Variants in TANC1 observed in about 807,000 individuals in gnomAD.
The protein encoded by TANC1 is protein TANC1.
A neutral mutation model predicts 149.7 loss-of-function variants in TANC1; 77 were observed. The observed-to-expected ratio is 0.51, with a 90% CI of 0.43 to 0.62. TANC1 has a LOEUF of 0.62. Among genes scored for constraint, TANC1 ranks in the 20% least tolerant of loss-of-function variants. The pLI is 0.00. For missense variants in TANC1, 1,985 were observed against 2,321.8 expected, an observed-to-expected ratio of 0.85 and a Z score of 2.98; for synonymous variants, 854 against 925.0, an observed-to-expected ratio of 0.92 and a Z score of 1.39.
intron 7 of TANC1, among the ~76,000 whole-genome samples, chr2:159,152,084 G>T (rs1241496434): frequency 2.6e-5 from 4 of 152,104 alleles, no homozygotes; most frequent in Non-Finnish European, 5.9e-5. Flanking sequence ...TCATATAAAT[G>T]GTGGGCTGAG....
chr2:159,110,391 T>G (rs2047606363), intron 4 of TANC1, among the ~76,000 whole-genome samples: 1 of 152,256 alleles, frequency 6.6e-6, no homozygotes, highest in African/African-American at 2.4e-5. Flanking sequence ...CAGACACTGG[T>G]TCTGCTGGTT....
At chr2:159,139,569 G>A (rs544566687) in intron 5 of TANC1, among the ~76,000 whole-genome samples, 1 of 152,314 alleles carries the variant, frequency 6.6e-6, no homozygotes, top group African/African-American at 2.4e-5. Context: ...CTTTGATTTA[G>A]GGGTAACCAT....
At chr2:159,214,465 T>C (rs1369217840) in intron 19 of TANC1, among the ~76,000 whole-genome samples, 1 of 152,208 alleles carries the variant, frequency 6.6e-6, no homozygotes, top group African/African-American at 2.4e-5. Flanking sequence ...AGAACCATGG[T>C]GCACAGGCCC....
chr2:159,011,042 G>C (rs1304969770), intron 2 of TANC1, among the ~76,000 whole-genome samples: 1 of 152,034 alleles, frequency 6.6e-6, no homozygotes, highest in Non-Finnish European at 1.5e-5. Context: ...TACAATAGTT[G>C]CTTTAATCCT....
chr2:159,141,992 T>TA (rs2051427158), intron 5 of TANC1, among the ~76,000 whole-genome samples: 1 of 152,090 alleles, frequency 6.6e-6, no homozygotes, highest in African/African-American at 2.4e-5. Context: ...AAAGAAAAAT[T>TA]AATGTGCTTA....
intron 2 of TANC1, among the ~76,000 whole-genome samples, chr2:159,035,770 C>T (rs955083223): frequency 6.6e-6 from 1 of 152,188 alleles, no homozygotes; most frequent in Non-Finnish European, 1.5e-5. Flanking sequence ...GAGATCTCTG[C>T]GACTCTGTAA....
chr2:158,969,261 C>A (rs1056764436), intron 1 of TANC1, among the ~76,000 whole-genome samples: 1 of 152,194 alleles, frequency 6.6e-6, no homozygotes, highest in African/African-American at 2.4e-5. Flanking sequence ...CCGCGGGGTC[C>A]TGGGCGCCCC....
chr2:159,096,263 G>A (rs538727153), intron 3 of TANC1, among the ~76,000 whole-genome samples: 2 of 148,724 alleles, frequency 1.3e-5, no homozygotes, highest in South Asian at 2.2e-4. Context: ...AGAGGAAAAT[G>A]TGTTATCTGA....
At chr2:159,011,030 C>A (rs1395101516) in intron 2 of TANC1, among the ~76,000 whole-genome samples, 1 of 152,130 alleles carries the variant, frequency 6.6e-6, no homozygotes, top group Non-Finnish European at 1.5e-5. Context: ...TGGGGCTTTA[C>A]ATACAATAGT....
intron 8 of TANC1, among the ~76,000 whole-genome samples, chr2:159,168,319 A>G (rs2054822933): frequency 1.7e-5 from 1 of 59,058 alleles, no homozygotes; most frequent in Non-Finnish European, 3.7e-5. Context: ...TTTTTTTTTG[A>G]GACAGAGTTT....
intron 3 of TANC1, among the ~76,000 whole-genome samples, chr2:159,067,879 C>G (rs1285619279): frequency 6.6e-6 from 1 of 152,212 alleles, no homozygotes; most frequent in Non-Finnish European, 1.5e-5. Flanking sequence ...ACACACCAGA[C>G]AGGAACATAA....
intron 5 of TANC1, among the ~76,000 whole-genome samples, chr2:159,143,079 C>CAACAAAACAA (rs1559338655): frequency 5.2e-5 from 7 of 133,862 alleles, no homozygotes; most frequent in South Asian, 2.3e-4. Context: ...AAAAAAAAAA[C>CAACAAAACAA]AACAAAACAA....
intron 11 of TANC1, among the ~76,000 whole-genome samples, chr2:159,174,195 C>G (rs1241911730): frequency 1.1e-4 from 17 of 152,180 alleles, no homozygotes. Context: ...AGCACGCCTC[C>G]CATTCCCAAC....
intron 3 of TANC1, among the ~76,000 whole-genome samples, chr2:159,072,032 G>A (rs2149728799): frequency 6.6e-6 from 1 of 152,284 alleles, no homozygotes; most frequent in East Asian, 1.9e-4. Flanking sequence ...CTGGGCTGGA[G>A]TGCAGTGGGT....
intron 22 of TANC1, among the ~76,000 whole-genome samples, chr2:159,222,337 A>G (rs558256588): frequency 6.6e-6 from 1 of 152,322 alleles, no homozygotes; most frequent in African/African-American, 2.4e-5. Flanking sequence ...TTGTTGTACA[A>G]CCAGTATCCA....
intron 13 of TANC1, among the ~76,000 whole-genome samples, chr2:159,177,682 C>G (rs2056021750): frequency 6.6e-6 from 1 of 152,236 alleles, no homozygotes; most frequent in Admixed American, 6.5e-5. Flanking sequence ...ATTCTGCCCT[C>G]TTTATCTACA....
chr2:159,132,170 T>A (rs1325732244), intron 4 of TANC1, among the ~76,000 whole-genome samples: 1 of 152,248 alleles, frequency 6.6e-6, no homozygotes, highest in East Asian at 1.9e-4. Flanking sequence ...TGAACCTCAG[T>A]TTCCTGACCT....
chr2:158,985,245 G>A (rs865881581), intron 1 of TANC1, among the ~76,000 whole-genome samples: 7 of 152,132 alleles, frequency 4.6e-5, no homozygotes, highest in Non-Finnish European at 1.0e-4. Flanking sequence ...TTTTCATAGG[G>A]TGCTGTTGTC....
At chr2:159,142,118 A>T (rs966666436) in intron 5 of TANC1, among the ~76,000 whole-genome samples, 1 of 152,218 alleles carries the variant, frequency 6.6e-6, no homozygotes, top group Admixed American at 6.5e-5. Flanking sequence ...TTAAACAGAT[A>T]AAGATGGGAG....
Sources: allele counts gnomAD v4.1 joint callset (sites outside exome capture counted in the v4.1 genomes callset), GRCh38; gene constraint gnomAD v4.1.1; transcripts MANE v1.5; gene names NCBI Gene and HGNC (gene_info 2026-07-23, HGNC 2026-07-21).